Variants in HHIP observed in about 807,000 individuals in gnomAD.
The protein encoded by HHIP is hedgehog interacting protein, also known as hedgehog-interacting protein.
A neutral mutation model predicts 74.0 loss-of-function variants in HHIP; 12 were observed. The ratio of observed to expected loss-of-function variants is 0.16; its 90% CI spans 0.10 to 0.26. The LOEUF is 0.26. Ranked by LOEUF, HHIP falls within the 10% of genes least tolerant of loss-of-function variation. The pLI is 1.00. For missense variants in HHIP, 788 were observed against 845.0 expected, an observed-to-expected ratio of 0.93 and a Z score of 0.84; for synonymous variants, 309 against 311.6, an observed-to-expected ratio of 0.99 and a Z score of 0.09.
At chr4:144,719,045 T>A in intron 11 of HHIP, 89 bp downstream of exon 11, 1 of 825,790 alleles carries the variant, frequency 1.2e-6, no homozygotes, top group Non-Finnish European at 2.1e-6. Context: ...ATGTCACAAT[T>A]AGCAATCAGC....
intron 4 of HHIP, among the ~76,000 whole-genome samples, chr4:144,670,290 G>A (rs890856518): frequency 4.0e-5 from 6 of 151,164 alleles, no homozygotes; most frequent in South Asian, 2.1e-4. Context: ...GTGAAACCCC[G>A]TCTCTAATAA....
At chr4:144,691,213 T>C (rs1456842213) in intron 4 of HHIP, among the ~76,000 whole-genome samples, 1 of 152,164 alleles carries the variant, frequency 6.6e-6, no homozygotes, top group African/African-American at 2.4e-5. Context: ...AGTGATAAAA[T>C]ATAGACCACC....
chr4:144,720,399 ATG>A (rs1252496406), intron 11 of HHIP, among the ~76,000 whole-genome samples: 2 of 152,126 alleles, frequency 1.3e-5, no homozygotes, highest in African/African-American at 4.8e-5. Context: ...GTCTCAGTCT[ATG>A]TGTTTTTGCA....
At chr4:144,656,824 G>C (rs535859934) in intron 2 of HHIP, among the ~76,000 whole-genome samples, 7 of 151,964 alleles carry the variant, frequency 4.6e-5, no homozygotes, top group South Asian at 2.1e-4. Flanking sequence ...TTACCTCTAA[G>C]AGACTTGTTT....
At chr4:144,724,218 G>A (rs912289052) in intron 11 of HHIP, among the ~76,000 whole-genome samples, 2 of 152,160 alleles carry the variant, frequency 1.3e-5, no homozygotes, top group Admixed American at 6.5e-5. Context: ...GAAACATACA[G>A]GTAACACATG....
At chr4:144,689,169 A>G (rs2126631988) in intron 4 of HHIP, among the ~76,000 whole-genome samples, 1 of 152,328 alleles carries the variant, frequency 6.6e-6, no homozygotes, top group Admixed American at 6.5e-5. Flanking sequence ...TTATTAATGT[A>G]TTTTATTTCA....
chr4:144,671,856 C>T (rs1042308203), intron 4 of HHIP, among the ~76,000 whole-genome samples: 4 of 152,000 alleles, frequency 2.6e-5, no homozygotes, highest in Non-Finnish European at 5.9e-5. Context: ...TGGTGATGGG[C>T]ACCTGTAATC....
chr4:144,694,479 T>A (rs550216082), intron 4 of HHIP, among the ~76,000 whole-genome samples: 1 of 151,954 alleles, frequency 6.6e-6, no homozygotes, highest in East Asian at 1.9e-4. Context: ...ACTAGGAAAC[T>A]CAAGTATACC....
At chr4:144,669,682 G>T (rs1578686833) in intron 4 of HHIP, among the ~76,000 whole-genome samples, 1 of 152,120 alleles carries the variant, frequency 6.6e-6, no homozygotes, top group Admixed American at 6.5e-5. Context: ...ATTGCTAGCA[G>T]TTGAAATAAT....
intron 4 of HHIP, among the ~76,000 whole-genome samples, chr4:144,691,857 A>G (rs2126635425): frequency 6.6e-6 from 1 of 152,156 alleles, no homozygotes; most frequent in Admixed American, 6.6e-5. Flanking sequence ...AACAAACACT[A>G]TATCCAATTA....
chr4:144,737,665 C>A, intron 12 of HHIP, 99 bp from the exon 13 acceptor site: 1 of 1,058,162 alleles, frequency 9.5e-7, no homozygotes, highest in Non-Finnish European at 1.3e-6. Context: ...TTTTTTCCCT[C>A]GCTTCCCTTA....
chr4:144,671,608 A>T (rs746846459), intron 4 of HHIP, among the ~76,000 whole-genome samples: 3 of 152,186 alleles, frequency 2.0e-5, no homozygotes, highest in Non-Finnish European at 4.4e-5. Context: ...TCACTCACTG[A>T]TCATATGATG....
intron 4 of HHIP, among the ~76,000 whole-genome samples, chr4:144,696,613 G>A (rs1729826900): frequency 6.6e-6 from 1 of 151,832 alleles, no homozygotes; most frequent in Non-Finnish European, 1.5e-5. Context: ...TAACATAATA[G>A]TTCCCATTGT....
chr4:144,721,536 T>C (rs999010928), intron 11 of HHIP, among the ~76,000 whole-genome samples: 2 of 146,106 alleles, frequency 1.4e-5, no homozygotes, highest in African/African-American at 2.5e-5. Context: ...AAAAATTAAA[T>C]GCCATTGTTT....
At chr4:144,650,882 T>A (rs1264878623) in intron 1 of HHIP, 1 of 152,090 alleles carries the variant, frequency 6.6e-6, no homozygotes, top group African/African-American at 2.4e-5. Context: ...GGATAGCAGC[T>A]GAGAGAGTAT....
chr4:144,669,546 G>GA (rs1388331978), intron 4 of HHIP, among the ~76,000 whole-genome samples: 1 of 152,050 alleles, frequency 6.6e-6, no homozygotes, highest in Non-Finnish European at 1.5e-5. Context: ...TCAACTTACA[G>GA]AAAATCTATT....
At chr4:144,700,252 G>GT (rs1232704094) in intron 4 of HHIP, among the ~76,000 whole-genome samples, 1 of 152,160 alleles carries the variant, frequency 6.6e-6, no homozygotes, top group Non-Finnish European at 1.5e-5. Context: ...TGTACCTTAA[G>GT]TATCTCCTTG....
At chr4:144,666,993 G>A (rs982889957) in intron 4 of HHIP, among the ~76,000 whole-genome samples, 2 of 152,192 alleles carry the variant, frequency 1.3e-5, no homozygotes, top group African/African-American at 4.8e-5. Context: ...AGGGGAAGAA[G>A]GAAAATATGC....
intron 4 of HHIP, among the ~76,000 whole-genome samples, chr4:144,676,098 G>A (rs1022661828): frequency 3.9e-5 from 6 of 152,192 alleles, no homozygotes; most frequent in Non-Finnish European, 7.4e-5. Flanking sequence ...AAATTCAATG[G>A]TGAAAGAGTT....
Sources: gnomAD v4.1 joint callset for allele counts (sites outside exome capture counted in the v4.1 genomes callset) on GRCh38, gnomAD v4.1.1 for gene constraint, MANE v1.5 for transcripts, NCBI Gene and HGNC (gene_info 2026-07-23, HGNC 2026-07-21) for gene names.